The following PHF24 variants were observed in gnomAD, a reference collection of about 807,000 sequenced individuals.
The protein encoded by PHF24 is Galpha inhibitory interacting protein.
PHF24 carries 25 observed loss-of-function variants against 42.6 expected under a neutral mutation model. That is an observed-to-expected ratio of 0.59 (90% CI 0.43 to 0.82). The LOEUF is 0.82. Among genes scored for constraint, PHF24 ranks in the 40% least tolerant of loss-of-function variants. PHF24 has a pLI of 0.00. For synonymous variants in PHF24, 185 were observed against 204.8 expected (o/e 0.90, Z 0.83); for missense variants, 470 against 538.1 (o/e 0.87, Z 1.25).
At chr9:34,836,772 C>T in the PHF24 span, among the ~76,000 whole-genome samples, 1 of 152,196 alleles carries the variant, frequency 6.6e-6, no homozygotes, top group East Asian at 1.9e-4. Flanking sequence ...ATTCTCTTGA[C>T]TGGATAACAT....
At chr9:34,835,925 G>C in the PHF24 span, 1 of 776,476 alleles carries the variant, frequency 1.3e-6, no homozygotes, top group Non-Finnish European at 2.3e-6. Flanking sequence ...GACAAAGTTG[G>C]GGAGATCTAG....
the PHF24 span, among the ~76,000 whole-genome samples, chr9:34,734,008 G>C: frequency 6.6e-6 from 1 of 151,708 alleles, no homozygotes; most frequent in Non-Finnish European, 1.5e-5. Context: ...GGATTCCTTA[G>C]AAAGGAAAGT....
At chr9:34,673,939 A>G in the PHF24 span, among the ~76,000 whole-genome samples, 3 of 152,046 alleles carry the variant, frequency 2.0e-5, no homozygotes, top group African/African-American at 7.2e-5. Flanking sequence ...TAATTTTTGT[A>G]GAGACAGAAT....
chr9:34,710,437 G>A, the PHF24 span, among the ~76,000 whole-genome samples: 1 of 147,998 alleles, frequency 6.8e-6, no homozygotes, highest in East Asian at 2.0e-4. Context: ...CCTCCTTCCA[G>A]CAAATCTGAT....
exon 8 of PHF24, chr9:34,979,093 G>T (rs1264676740): frequency 6.6e-6 from 1 of 152,114 alleles, no homozygotes; most frequent in Admixed American, 6.6e-5. Context: ...ACGGGGCTCT[G>T]CTTCCTCATC....
chr9:34,700,949 G>A, the PHF24 span, among the ~76,000 whole-genome samples: 10 of 152,176 alleles, frequency 6.6e-5, no homozygotes, highest in South Asian at 4.1e-4. Context: ...CAATGGGGGT[G>A]GGGGACTGGA....
the PHF24 span, among the ~76,000 whole-genome samples, chr9:34,807,900 T>C: frequency 1.3e-5 from 2 of 151,928 alleles, no homozygotes; most frequent in Non-Finnish European, 2.9e-5. Context: ...GACATAACAG[T>C]AAACAAATAT....
chr9:34,946,410 G>T, the PHF24 span, among the ~76,000 whole-genome samples: 4 of 152,062 alleles, frequency 2.6e-5, no homozygotes, highest in Non-Finnish European at 5.9e-5. Context: ...GTAAGACAGG[G>T]TTTTTTTCTA....
the PHF24 span, among the ~76,000 whole-genome samples, chr9:34,681,462 T>TGCAAGCCACAAAAAA: frequency 4.2e-5 from 6 of 142,888 alleles, no homozygotes; most frequent in Admixed American, 7.2e-5. Context: ...TTCGTATGTT[T>TGCAAGCCACAAAAAA]AGTCCTAACC....
chr9:34,784,483 G>A, the PHF24 span, among the ~76,000 whole-genome samples: 4 of 152,110 alleles, frequency 2.6e-5, no homozygotes, highest in South Asian at 8.3e-4. Flanking sequence ...AGCCTCAAAC[G>A]GTACCATAAG....
At chr9:34,767,173 G>C in the PHF24 span, among the ~76,000 whole-genome samples, 2 of 152,238 alleles carry the variant, frequency 1.3e-5, no homozygotes, top group African/African-American at 4.8e-5. Flanking sequence ...ACTTGAGGAG[G>C]CAGTCTGCCC....
chr9:34,928,616 C>G, the PHF24 span, among the ~76,000 whole-genome samples: 2 of 152,116 alleles, frequency 1.3e-5, no homozygotes, highest in Non-Finnish European at 2.9e-5. Context: ...AGCATTAATT[C>G]AAAGTTCAGC....
chr9:34,846,646 TTGATGTTTTAGACATGAAGTCC>T, the PHF24 span, among the ~76,000 whole-genome samples: 2 of 152,262 alleles, frequency 1.3e-5, no homozygotes, highest in Non-Finnish European at 2.9e-5. Flanking sequence ...GCCTTTGCTT[TTGATGTTTTAGACATGAAGTCC>T]TTGCCCATGC....
chr9:34,805,856 G>C, the PHF24 span, among the ~76,000 whole-genome samples: 1 of 152,088 alleles, frequency 6.6e-6, no homozygotes, highest in Non-Finnish European at 1.5e-5. Flanking sequence ...TTTTGTTCAA[G>C]TCTTAGATCC....
At chr9:34,790,141 C>T in the PHF24 span, among the ~76,000 whole-genome samples, 1 of 152,142 alleles carries the variant, frequency 6.6e-6, no homozygotes, top group Non-Finnish European at 1.5e-5. Flanking sequence ...GCCATTGCAC[C>T]CAGCCAAGAC....
chr9:34,887,537 A>G, the PHF24 span, among the ~76,000 whole-genome samples: 7 of 151,980 alleles, frequency 4.6e-5, no homozygotes, highest in East Asian at 1.4e-3. Context: ...GCATCCTCCA[A>G]CCTCCAGGCA....
At chr9:34,769,126 C>CT in the PHF24 span, among the ~76,000 whole-genome samples, 58 of 151,910 alleles carry the variant, frequency 3.8e-4, no homozygotes, top group South Asian at 2.1e-4. Flanking sequence ...AAATGCAATC[C>CT]TTTTTTTGGA....
the PHF24 span, chr9:34,723,879 G>A: frequency 6.4e-7 from 1 of 1,551,690 alleles, no homozygotes; most frequent in Non-Finnish European, 8.7e-7. Flanking sequence ...AGCTGTGGGA[G>A]CTTAAGCTGA....
the PHF24 span, among the ~76,000 whole-genome samples, chr9:34,855,214 T>C: frequency 6.6e-6 from 1 of 152,364 alleles, no homozygotes; most frequent in East Asian, 1.9e-4. Context: ...CAATGGGGCT[T>C]GGCTCTTTAT....
Sources: allele counts gnomAD v4.1 joint callset (sites outside exome capture counted in the v4.1 genomes callset), GRCh38; gene constraint gnomAD v4.1.1; transcripts MANE v1.5; gene names NCBI Gene and HGNC (gene_info 2026-07-23, HGNC 2026-07-21).